The following COL21A1 variants were observed in gnomAD, a reference collection of about 807,000 sequenced individuals.
The protein encoded by COL21A1 is collagen alpha-1(XXI) chain.
In COL21A1, 149 loss-of-function variants were observed where a neutral mutation model predicts 137.9. That is an observed-to-expected ratio of 1.08 (90% CI 0.95 to 1.24). The LOEUF is 1.24. Among genes scored for constraint, COL21A1 ranks in the 50% most tolerant of loss-of-function variants. The probability of loss-of-function intolerance (pLI) is 0.00; values close to 1 mark genes in which losing one functional copy is unlikely to be tolerated. For synonymous variants in COL21A1, 456 were observed against 391.5 expected, an observed-to-expected ratio of 1.16 and a Z score of -1.95; for missense variants, 1,167 against 1,158.4, an observed-to-expected ratio of 1.01 and a Z score of -0.11.
At chr6:56,200,854 T>A (rs1243045776) in intron 1 of COL21A1, among the ~76,000 whole-genome samples, 1 of 152,128 alleles carries the variant, frequency 6.6e-6, no homozygotes, top group Non-Finnish European at 1.5e-5. Flanking sequence ...GTACTTCTAG[T>A]TCTAGATGCC....
chr6:56,076,237 A>G (rs1767226336), intron 18 of COL21A1, among the ~76,000 whole-genome samples: 1 of 151,438 alleles, frequency 6.6e-6, no homozygotes, highest in African/African-American at 2.4e-5. Context: ...ATGACTCAGC[A>G]CTTTCAAATG....
Position 56,075,534 on chromosome 6 carries a change from TA to T in COL21A1, c.1858-3del, listed in dbSNP as rs762156357. 14 of 1,514,560 alleles carry T rather than the reference TA, an allele frequency of 9.2e-6. No individual in the cohort carries two copies. Among genetic ancestry groups the T allele is most frequent in the African/African-American group, 7.1e-5 (5 of 70,208 alleles). The allele number at this position is 1,514,560 out of a possible 1,614,324, so 93.8% of individuals were successfully genotyped here. ...CTGTCCTGGAGGCCCAATTTCTCCC[TA>T]AAAAAATCAAACATTAAAAACATTA... On this transcript the variant is annotated splice_region_variant and splice_polypyrimidine_tract_variant and intron_variant, in intron 18 of 29. Coordinates refer to ENST00000244728, the MANE Select transcript of COL21A1 (RefSeq NM_030820.4).
chr6:56,387,542 G>C (rs1179166376), intron 1 of COL21A1, among the ~76,000 whole-genome samples: 3 of 152,108 alleles, frequency 2.0e-5, no homozygotes, highest in African/African-American at 7.2e-5. Context: ...AGACAGTCTT[G>C]CATTGCCTAC....
At chr6:56,165,981 CT>C (rs1369551830) in intron 7 of COL21A1, among the ~76,000 whole-genome samples, 2 of 151,630 alleles carry the variant, frequency 1.3e-5, no homozygotes, top group African/African-American at 4.8e-5. Flanking sequence ...AGCTCATAAT[CT>C]TTTTCCTCCT....
chr6:56,170,960 C>T lies in COL21A1; in HGVS notation c.809G>A (p.Ser270Asn). 1.9e-6 allele frequency: 3 copies of T among 1,599,994 alleles called. No homozygotes were observed. The highest frequency in any genetic ancestry group is 1.3e-5 in the African/African-American group (1 of 74,356). The change falls in exon 4 of 30, where the codon AGC becomes AAC. Residue 270 changes from serine (S) to asparagine (N), a missense_variant and splice_region_variant. Coordinates refer to ENST00000244728, the MANE Select transcript of COL21A1 (RefSeq NM_030820.4). ...TSKVDLSELT[S>N]NVFPEGLPPS... ...AGTTGTGTCAACATATAATGCATACCTTGTGAGTTCTGATAAATCAACTTT... is the reference window on the plus strand; with the variant it reads ...AGTTGTGTCAACATATAATGCATACTTTGTGAGTTCTGATAAATCAACTTT...
At chr6:56,254,050 A>G (rs1782916643) in intron 1 of COL21A1, among the ~76,000 whole-genome samples, 1 of 152,226 alleles carries the variant, frequency 6.6e-6, no homozygotes, top group African/African-American at 2.4e-5. Context: ...CCTCAATTTC[A>G]GAGTCCCAAA....
intron 20 of COL21A1, 37 bp downstream of exon 20, chr6:56,074,195 A>G (rs765652355): frequency 3.4e-6 from 5 of 1,485,068 alleles, no homozygotes; most frequent in South Asian, 1.3e-5. Context: ...CTGTGATTAT[A>G]CAAAGTTCCC....
At chr6:56,243,722 A>G (rs1192314760) in intron 1 of COL21A1, among the ~76,000 whole-genome samples, 1 of 152,192 alleles carries the variant, frequency 6.6e-6, no homozygotes, top group Non-Finnish European at 1.5e-5. Flanking sequence ...AAACAGAAGC[A>G]AAAGTGATTA....
rs1272290669 is a variant in COL21A1, at chr6:56,206,693, AATAAATATATATAT to A, written c.-38-24051_-38-24038del. ...CCCAATTCAACAAAATAAATAAATAAATAAATATATATATATATATATATATATATATATATATA... is the reference window on the plus strand; with the variant it reads ...CCCAATTCAACAAAATAAATAAATAAATATATATATATATATATATATATA... On this transcript the variant is annotated intron_variant, in intron 1 of 29. Coordinates refer to ENST00000244728, the MANE Select transcript of COL21A1 (RefSeq NM_030820.4). Among the ~76,000 whole-genome samples, 88 of 127,928 alleles carry A rather than the reference AATAAATATATATAT, an allele frequency of 6.9e-4. 3 individuals are homozygous for A. Among genetic ancestry groups the A allele is most frequent in the Admixed American group, 4.3e-3 (52 of 12,210 alleles). 83.9% of individuals were successfully genotyped at this position (127,928 alleles called of 152,430 possible).
intron 12 of COL21A1, among the ~76,000 whole-genome samples, chr6:56,139,867 C>A (rs773759041): frequency 2.1e-4 from 32 of 152,002 alleles, no homozygotes; most frequent in Non-Finnish European, 2.4e-4. Context: ...TTTGAAGGGA[C>A]CACTTAAAAG....
At position 56,060,059 on chromosome 6, in the gene COL21A1, A is replaced by G; in HGVS notation, c.2567T>C (p.Leu856Ser). Residue 856 changes from leucine to serine, a missense_variant, in exon 28 of 30, where the codon TTA becomes TCA. Transcript: ENST00000244728. ...ACCTGGACGTCCAGGGACACCCACT[A>G]ATCCAGGAACACCATCTCTTCCTGG... ...GLPGRDGVPG[L>S]VGVPGRPGVR... 1.2e-6 allele frequency: 2 copies of G among 1,610,094 alleles called. No homozygotes were observed. The highest frequency in any genetic ancestry group is 8.5e-7 in the Non-Finnish European group (1 of 1,178,726).
intron 24 of COL21A1, among the ~76,000 whole-genome samples, chr6:56,064,160 C>A (rs188755072): frequency 6.6e-6 from 1 of 152,022 alleles, no homozygotes; most frequent in East Asian, 1.9e-4. Flanking sequence ...TCTGAACAAA[C>A]TAAAGGGAAA....
chr6:56,299,490 A>C (rs973243189), intron 1 of COL21A1, among the ~76,000 whole-genome samples: 2 of 152,122 alleles, frequency 1.3e-5, no homozygotes, highest in Non-Finnish European at 2.9e-5. Context: ...TTTTACAATA[A>C]GGTAATTCTC....
At chr6:56,129,675 C>CGTGTATGTGT (rs1773344327) in intron 12 of COL21A1, among the ~76,000 whole-genome samples, 1 of 136,414 alleles carries the variant, frequency 7.3e-6, no homozygotes, top group African/African-American at 2.9e-5. Flanking sequence ...CACGTGCGTG[C>CGTGTATGTGT]GTGTGTGTGT....
chr6:56,060,356 T>C, intron 27 of COL21A1, 138 bp from the exon 28 acceptor site: 1 of 723,106 alleles, frequency 1.4e-6, no homozygotes, highest in South Asian at 1.9e-5. Flanking sequence ...ATAATTTCAC[T>C]TCTAGGAATT....
intron 1 of COL21A1, among the ~76,000 whole-genome samples, chr6:56,200,767 G>GGT (rs1038724563): frequency 6.6e-6 from 1 of 151,844 alleles, no homozygotes; most frequent in African/African-American, 2.4e-5. Flanking sequence ...TAAACATATG[G>GGT]GTGCATGTGT....
At chr6:56,279,205 G>A (rs1763739493) in intron 1 of COL21A1, among the ~76,000 whole-genome samples, 1 of 152,114 alleles carries the variant, frequency 6.6e-6, no homozygotes, top group African/African-American at 2.4e-5. Context: ...TGCTGCACCT[G>A]CCATATTTGA....
chr6:56,170,831 C>G lies in COL21A1; in HGVS notation c.844G>C (p.Val282Leu). 6.2e-7 allele frequency: 1 copy of G among 1,611,044 alleles called. No homozygotes were observed. Among genetic ancestry groups the G allele is most frequent in the South Asian group, 1.1e-5 (1 of 90,826 alleles). Residue 282 changes from valine (V) to leucine (L), a missense_variant, in exon 5 of 30, where the codon GTA becomes CTA. By Grantham distance (32) the Val-to-Leu change is conservative. Transcript: ENST00000244728. ...VFPEGLPPSY[V>L]FVSTQRFKVK... ...TTAAATCTTTGAGTAGACACAAATA[C>G]ATATGATGGAGGAAGACCTTCTGGG...
At chr6:56,198,694 T>C (rs1250434499) in intron 1 of COL21A1, among the ~76,000 whole-genome samples, 2 of 152,126 alleles carry the variant, frequency 1.3e-5, no homozygotes, top group East Asian at 3.9e-4. Context: ...TGCTTTCAGA[T>C]CTATTTCACA....
Sources: gnomAD v4.1 joint callset for allele counts (sites outside exome capture counted in the v4.1 genomes callset) on GRCh38, gnomAD v4.1.1 for gene constraint, MANE v1.5 for transcripts, NCBI Gene and HGNC (gene_info 2026-07-23, HGNC 2026-07-21) for gene names.